DLGAP2: variants seen among roughly 807,000 people sequenced by gnomAD.
DLGAP2 encodes disks large-associated protein 2.
DLGAP2 carries 26 observed loss-of-function variants against 100.3 expected under a neutral mutation model. The ratio of observed to expected loss-of-function variants is 0.26; its 90% confidence interval spans 0.19 to 0.36. DLGAP2 has a LOEUF of 0.36. Ranked by LOEUF, DLGAP2 falls within the 10% of genes least tolerant of loss-of-function variation. DLGAP2 has a pLI of 1.00. For missense variants in DLGAP2, 1,858 were observed against 1,453.2 expected (o/e 1.28, Z -4.53); for synonymous variants, 886 against 630.1 (o/e 1.41, Z -6.08).
At chr8:894,332 C>T (rs1048342057) in intron 1 of DLGAP2, among the ~76,000 whole-genome samples, 31 of 152,110 alleles carry the variant, frequency 2.0e-4, no homozygotes, top group Non-Finnish European at 1.2e-4. Context: ...GACAGGGCTG[C>T]CCTCCCCTCT....
intron 3 of DLGAP2, among the ~76,000 whole-genome samples, chr8:1,266,891 CA>C (rs1169210284): frequency 6.6e-6 from 1 of 151,976 alleles, no homozygotes; most frequent in African/African-American, 2.4e-5. Flanking sequence ...GTTATCCCAG[CA>C]GAAGATGCAC....
chr8:1,579,418 T>TGGG (rs1803135206), intron 6 of DLGAP2, among the ~76,000 whole-genome samples: 1 of 152,114 alleles, frequency 6.6e-6, no homozygotes, highest in African/African-American at 2.4e-5. Context: ...GGGGCGTAAT[T>TGGG]ATAAAGATAC....
intron 10 of DLGAP2, among the ~76,000 whole-genome samples, chr8:1,672,964 C>T (rs1174469938): frequency 2.0e-5 from 3 of 152,346 alleles, no homozygotes; most frequent in Admixed American, 6.5e-5. Context: ...GCCAGCCCCG[C>T]CCACTTTCAT....
rs150695870 is a variant in DLGAP2 at position 1,692,896 on chromosome 8, A to G, written c.2796+1270A>G. ...AATATATACTTACATATGCTTATAT[A>G]TAAATATATATACACATATTAATAT... On this transcript the variant is annotated intron_variant, in intron 13 of 14. Coordinates refer to ENST00000637795, the MANE Select transcript of DLGAP2 (RefSeq NM_001346810.2). Among the ~76,000 whole-genome samples the G allele has an allele frequency of 3.4e-5, 5 of 148,052 alleles. No individual in the cohort carries two copies. The East Asian group carries it at 7.8e-4, about 23-fold the overall frequency.
chr8:882,167 G>C (rs1228126277), intron 1 of DLGAP2, among the ~76,000 whole-genome samples: 1 of 152,232 alleles, frequency 6.6e-6, no homozygotes, highest in Non-Finnish European at 1.5e-5. Context: ...TGAGACGTGA[G>C]ACCCAGCTGA....
intron 2 of DLGAP2, among the ~76,000 whole-genome samples, chr8:1,211,892 A>G (rs1221927158): frequency 6.6e-6 from 1 of 152,176 alleles, no homozygotes; most frequent in Non-Finnish European, 1.5e-5. Flanking sequence ...AAAATAAAAT[A>G]AAAAAATAAA....
chr8:968,752 G>C (rs1328212477), intron 2 of DLGAP2, among the ~76,000 whole-genome samples: 2 of 152,110 alleles, frequency 1.3e-5, no homozygotes, highest in Non-Finnish European at 2.9e-5. Context: ...TCAGCAGCAT[G>C]GTATGTCCTC....
In DLGAP2 at chr8:1,573,035, G is replaced by A. The variant is rs573197382; in HGVS notation, c.1442+7141G>A. Reference sequence around the variant, plus strand: ...AGAGGAGAGAGGGTGGACTGTGGGGGTGTCTGATGAGATGGAGAGGAGAGA... The same window carrying A: ...AGAGGAGAGAGGGTGGACTGTGGGGATGTCTGATGAGATGGAGAGGAGAGA... On this transcript the variant is annotated intron_variant, in intron 6 of 14. Coordinates refer to ENST00000637795, the MANE Select transcript of DLGAP2 (RefSeq NM_001346810.2). Among the ~76,000 whole-genome samples, 211 of 75,864 alleles carry A rather than the reference G, an allele frequency of 2.8e-3. 2 individuals are homozygous for A. The highest frequency in any genetic ancestry group is 0.011 in the African/African-American group (198 of 17,512). The allele number at this position is 75,864 out of a possible 152,430, so 49.8% of individuals were successfully genotyped here. A position where few individuals can be genotyped will look rare whatever the true frequency, so the allele number is the denominator to read the frequency against.
intron 2 of DLGAP2, among the ~76,000 whole-genome samples, chr8:1,123,168 A>T (rs1796089406): frequency 1.3e-5 from 2 of 152,240 alleles, no homozygotes; most frequent in African/African-American, 4.8e-5. Context: ...CAATTTTGTG[A>T]ATTATGAACC....
chr8:1,092,283 C>T (rs561334589), intron 2 of DLGAP2, among the ~76,000 whole-genome samples: 2 of 152,254 alleles, frequency 1.3e-5, no homozygotes, highest in African/African-American at 4.8e-5. Flanking sequence ...GGCATTTCCA[C>T]TGTGCCGGGC....
intron 4 of DLGAP2, among the ~76,000 whole-genome samples, chr8:1,539,604 C>T (rs1000582828): frequency 6.6e-6 from 1 of 151,960 alleles, no homozygotes; most frequent in African/African-American, 2.4e-5. Flanking sequence ...TCTCCCTCTC[C>T]AGGCCCCACT....
intron 3 of DLGAP2, among the ~76,000 whole-genome samples, chr8:1,464,631 A>G (rs80296746): frequency 0.018 from 2,685 of 151,494 alleles, 68 homozygotes; most frequent in African/African-American, 0.062. Flanking sequence ...ACTGTCTCCA[A>G]TGACTGAAGG....
In DLGAP2 at chr8:1,579,422, A is replaced by G. The variant is rs536730608; in HGVS notation, c.1442+13528A>G. Reference sequence around the variant, plus strand: ...CATGATTCCATGGGGCGTAATTATAAAGATACCACTTTAAATTCATAAAAT... The same window carrying G: ...CATGATTCCATGGGGCGTAATTATAGAGATACCACTTTAAATTCATAAAAT... On this transcript the variant is annotated intron_variant, in intron 6 of 14. Coordinates refer to ENST00000637795, the MANE Select transcript of DLGAP2 (RefSeq NM_001346810.2). 9.2e-5 allele frequency among the ~76,000 whole-genome samples: 14 copies of G among 152,280 alleles called. No homozygotes were observed. In the South Asian group the frequency reaches 2.9e-3, roughly 32 times the overall value.
At chr8:887,699 C>T (rs1358099778) in intron 1 of DLGAP2, among the ~76,000 whole-genome samples, 1 of 152,208 alleles carries the variant, frequency 6.6e-6, no homozygotes, top group Non-Finnish European at 1.5e-5. Flanking sequence ...TGAATATTGA[C>T]TCCCAGTCTC....
At chr8:1,248,926 C>G (rs1798975859) in intron 2 of DLGAP2, among the ~76,000 whole-genome samples, 1 of 152,138 alleles carries the variant, frequency 6.6e-6, no homozygotes, top group African/African-American at 2.4e-5. Flanking sequence ...AAGGTGAAAA[C>G]TTGACATTGG....
intron 4 of DLGAP2, among the ~76,000 whole-genome samples, chr8:1,519,000 G>T (rs1800493344): frequency 6.6e-6 from 1 of 152,150 alleles, no homozygotes; most frequent in Non-Finnish European, 1.5e-5. Flanking sequence ...GTGTCCTCCA[G>T]CTAATTCCGA....
intron 2 of DLGAP2, among the ~76,000 whole-genome samples, chr8:1,205,544 C>T (rs1797971788): frequency 6.6e-6 from 1 of 152,214 alleles, no homozygotes; most frequent in African/African-American, 2.4e-5. Context: ...CTGGTGGCGT[C>T]TGCTCTTAGG....
chr8:810,775 C>G (rs1475399989), intron 1 of DLGAP2, among the ~76,000 whole-genome samples: 1 of 152,186 alleles, frequency 6.6e-6, no homozygotes, highest in Admixed American at 6.5e-5. Context: ...TGGCTGTTTT[C>G]CCACTATGCC....
intron 3 of DLGAP2, among the ~76,000 whole-genome samples, chr8:1,446,947 C>T (rs1797999448): frequency 6.6e-6 from 1 of 152,102 alleles, no homozygotes; most frequent in Non-Finnish European, 1.5e-5. Flanking sequence ...GATTTTGTAT[C>T]CTGAGACTTT....
Sources: gnomAD v4.1 joint callset for allele counts (sites outside exome capture counted in the v4.1 genomes callset) on GRCh38, gnomAD v4.1.1 for gene constraint, MANE v1.5 for transcripts, NCBI Gene and HGNC (gene_info 2026-07-23, HGNC 2026-07-21) for gene names.